SYNM: variants seen among roughly 807,000 people sequenced by gnomAD.
The protein encoded by SYNM is desmuslin.
Under a neutral mutation model 104.0 loss-of-function variants are expected in SYNM, and 95 were observed. That is an observed-to-expected ratio of 0.91 (90% CI 0.77 to 1.08). The LOEUF (loss-of-function observed/expected upper bound fraction) is 1.08. SYNM is among the 50% of genes least tolerant of loss of function. The probability of loss-of-function intolerance (pLI) is 0.00; values close to 1 mark genes in which losing one functional copy is unlikely to be tolerated. For missense variants in SYNM, 2,150 were observed against 2,052.2 expected (o/e 1.05, Z -0.92); for synonymous variants, 918 against 869.0 (o/e 1.06, Z -0.99).
At chr15:99,113,477 G>C in intron 1 of SYNM, 114 bp from the exon 2 acceptor site, 1 of 1,371,850 alleles carries the variant, frequency 7.3e-7, no homozygotes, top group Non-Finnish European at 1.0e-6. Flanking sequence ...GTGTTTTTCT[G>C]GTCTGCTAAT....
At chr15:99,139,907 T>A (rs1456234679), downstream of SYNM, 1 of 435,888 alleles carries the variant, frequency 2.3e-6, no homozygotes, top group Non-Finnish European at 3.9e-6. Context: ...TGGCTTGATT[T>A]CTCCCTTCTG....
Position 99,131,875 on chromosome 15 carries a change from G to A in SYNM, c.3515G>A (p.Arg1172Lys). Reference sequence around the variant, plus strand: ...CCGACCGGAGCCAGCCGGTCTGTGAGGCATGTCACGCTGGGTCCCGGTCAA... The same window carrying A: ...CCGACCGGAGCCAGCCGGTCTGTGAAGCATGTCACGCTGGGTCCCGGTCAA... ...ASPTGASRSV[R>K]HVTLGPGQSP... The change falls in exon 4 of 4, where the codon AGG (arginine) becomes AAG (lysine). Residue 1172 changes from arginine (R) to lysine (K), a missense_variant. By Grantham distance (26) the Arg-to-Lys change is conservative. Transcript: ENST00000336292. This position sits in a 1 kb window ranked among gnomAD's most constrained non-coding sequence, Gnocchi z 4.3. 1 of 1,613,990 alleles carries A rather than the reference G, an allele frequency of 6.2e-7. No individual in the cohort carries two copies. The highest frequency in any genetic ancestry group is 8.5e-7 in the Non-Finnish European group (1 of 1,179,900).
intron 2 of SYNM, among the ~76,000 whole-genome samples, chr15:99,114,892 T>C (rs2067332984): frequency 6.6e-6 from 1 of 151,974 alleles, no homozygotes; most frequent in Non-Finnish European, 1.5e-5. Context: ...ACGCTTACAG[T>C]GGAAGGAATT....
chr15:99,131,225 G>T lies in SYNM; in HGVS notation c.2865G>T (p.Gln955His), dbSNP rs782359719. Residue 955 changes from glutamine to histidine, a missense_variant, in exon 4 of 4, where the codon CAG (glutamine) becomes CAT (histidine). Gln to His is a conservative substitution (Grantham distance 24, BLOSUM62 0). Transcript: ENST00000336292. This position sits in a 1 kb window ranked among gnomAD's most constrained non-coding sequence, Gnocchi z 4.3. ...AGCAGCTGGTGGAGGTCATCGGGCA[G>T]CTGGAGGAAACCCTTCCCGAGCGCA... ...PRQQLVEVIGQLEETLPERMR... is the reference protein window; with the variant it reads ...PRQQLVEVIGHLEETLPERMR... 2 of 1,609,172 alleles carry T rather than the reference G, an allele frequency of 1.2e-6. No homozygotes were observed. Among genetic ancestry groups the T allele is most frequent in the Admixed American group, 3.4e-5 (2 of 59,324 alleles).
At chr15:99,118,602 C>T (rs1390252763) in intron 2 of SYNM, among the ~76,000 whole-genome samples, 3 of 152,134 alleles carry the variant, frequency 2.0e-5, no homozygotes, top group Non-Finnish European at 4.4e-5. Flanking sequence ...TTCTAGGTGA[C>T]TGTCACAGGG....
In SYNM at chr15:99,105,592, G is replaced by T; in HGVS notation, c.393G>T (p.Glu131Asp). ...QEALGARAAL[E>D]ALLGRLQAER... is the part of the protein sequence containing the mutation. ...CGCTGGGCGCGCGCGCCGCCCTCGA[G>T]GCGCTGCTGGGCCGGCTGCAGGCCG... The change falls in exon 1 of 4, where the codon GAG becomes GAT. Residue 131 changes from glutamate (E) to aspartate (D), a missense_variant. Physicochemically the swap from Glu to Asp is conservative, Grantham distance 45. Transcript: ENST00000336292. 8.6e-7 allele frequency: 1 copy of T among 1,162,016 alleles called. No homozygotes were observed. The highest frequency in any genetic ancestry group is 4.1e-5 in the South Asian group (1 of 24,400). The allele number at this position is 1,162,016 out of a possible 1,614,324, so 72.0% of individuals were successfully genotyped here.
In SYNM at chr15:99,132,100, G is replaced by C. The variant is rs781945703; in HGVS notation, c.3740G>C (p.Gly1247Ala). 1 of 1,613,988 alleles carries C rather than the reference G, an allele frequency of 6.2e-7. No homozygotes were observed. The highest frequency in any genetic ancestry group is 8.5e-7 in the Non-Finnish European group (1 of 1,179,908). The change falls in exon 4 of 4, where the codon GGT becomes GCT. Residue 1247 changes from glycine (G) to alanine (A), a missense_variant. Physicochemically the swap from Gly to Ala is moderately conservative, Grantham distance 60. Coordinates refer to ENST00000336292, the MANE Select transcript of SYNM (RefSeq NM_145728.3). ...QGPISAAGKVGDYFATEESVG... is the reference protein window; with the variant it reads ...QGPISAAGKVADYFATEESVG... ...CCCATTTCTGCTGCAGGGAAGGTTG[G>C]TGATTATTTTGCAACAGAAGAGTCA...
At chr15:99,113,563 G>A in intron 1 of SYNM, 28 bp from the exon 2 acceptor site, 1 of 1,611,488 alleles carries the variant, frequency 6.2e-7, no homozygotes. Flanking sequence ...CCAGTTCTCT[G>A]ATATAAAAGT....
intron 2 of SYNM, among the ~76,000 whole-genome samples, chr15:99,116,437 G>A (rs1216794209): frequency 6.7e-5 from 7 of 104,294 alleles, no homozygotes; most frequent in African/African-American, 2.1e-4. Flanking sequence ...TCATATACCT[G>A]AAAGTCTTGT....
At chr15:99,115,663 T>G (rs2067342026) in intron 2 of SYNM, among the ~76,000 whole-genome samples, 1 of 151,942 alleles carries the variant, frequency 6.6e-6, no homozygotes, top group African/African-American at 2.4e-5. Context: ...GGTTTCACCT[T>G]GTTGGTCAGG....
In SYNM at chr15:99,133,117, C is replaced by T. The variant is rs1338711385; in HGVS notation, c.*59C>T. On this transcript the variant is annotated 3_prime_UTR_variant, in exon 4 of 4. Coordinates refer to ENST00000336292, the MANE Select transcript of SYNM (RefSeq NM_145728.3). Reference sequence around the variant, plus strand: ...TTGGCGACGTGCCAACATCCAAAGGCCTTAACTTATTTTAAGAGGCCGAGG... The same window carrying T: ...TTGGCGACGTGCCAACATCCAAAGGTCTTAACTTATTTTAAGAGGCCGAGG... The T allele has an allele frequency of 6.3e-7, 1 of 1,591,940 alleles. No homozygotes were observed. The highest frequency in any genetic ancestry group is 1.3e-5 in the African/African-American group (1 of 74,650).
Position 99,105,238 on chromosome 15 carries a change from C to A in SYNM, c.39C>A (p.Ala13=). 1.9e-6 allele frequency: 3 copies of A among 1,573,256 alleles called. No individual in the cohort carries two copies. The highest frequency in any genetic ancestry group is 2.3e-5 in the East Asian group (1 of 42,940). ...SWRLQTGPEK[A]ELQELNARLY... The stretch of plus-strand genomic sequence containing the variant: ...GGCTGCAGACGGGCCCCGAGAAGGC[C>A]GAGCTCCAGGAGCTCAACGCCCGGC... Residue 13 remains alanine (A), a synonymous_variant, in exon 1 of 4, where the codon GCC becomes GCA. Transcript: ENST00000336292.
chr15:99,116,202 C>T (rs1433259008), intron 2 of SYNM, among the ~76,000 whole-genome samples: 1 of 152,262 alleles, frequency 6.6e-6, no homozygotes, highest in Non-Finnish European at 1.5e-5. Context: ...TCCCAAAGCC[C>T]ATTGTTGGCA....
intron 2 of SYNM, among the ~76,000 whole-genome samples, chr15:99,118,892 GC>G (rs1483887832): frequency 6.6e-6 from 1 of 152,136 alleles, no homozygotes; most frequent in African/African-American, 2.4e-5. Flanking sequence ...CTCCTGCATT[GC>G]GGGTGGCAGT....
chr15:99,107,055 G>A (rs984181619), intron 1 of SYNM, among the ~76,000 whole-genome samples: 3 of 152,210 alleles, frequency 2.0e-5, no homozygotes, highest in African/African-American at 7.2e-5. Flanking sequence ...GATTCTCCCT[G>A]GGTCCCCAGC....
intron 1 of SYNM, among the ~76,000 whole-genome samples, chr15:99,112,537 C>G (rs1165683302): frequency 6.6e-6 from 1 of 152,020 alleles, no homozygotes; most frequent in African/African-American, 2.4e-5. Flanking sequence ...TGCTGTGTGA[C>G]TTGTATGTGG....
chr15:99,119,868 G>T (rs1238675582), intron 2 of SYNM, among the ~76,000 whole-genome samples: 1 of 152,174 alleles, frequency 6.6e-6, no homozygotes, highest in African/African-American at 2.4e-5. Context: ...GTGAACATGC[G>T]ACTACATTTG....
At chr15:99,110,954 C>T (rs2067295329) in intron 1 of SYNM, among the ~76,000 whole-genome samples, 1 of 152,224 alleles carries the variant, frequency 6.6e-6, no homozygotes. Flanking sequence ...GTTGTGATTT[C>T]TGCAGAGACC....
rs1259747546 is a variant in SYNM, at chr15:99,105,599, C to G, written c.400C>G (p.Leu134Val). 2.3e-5 allele frequency: 28 copies of G among 1,214,040 alleles called. No individual in the cohort carries two copies. The highest frequency in any genetic ancestry group is 2.7e-5 in the Non-Finnish European group (26 of 975,380). 75.2% of individuals were successfully genotyped at this position (1,214,040 alleles called of 1,614,324 possible). The part of the protein sequence containing the change: ...LGARAALEAL[L>V]GRLQAERRGL... ...CGCGCGCGCCGCCCTCGAGGCGCTG[C>G]TGGGCCGGCTGCAGGCCGAGCGCCG... The change falls in exon 1 of 4, where the codon CTG becomes GTG. Residue 134 changes from leucine to valine, a missense_variant. By Grantham distance (32) the Leu-to-Val change is conservative. Coordinates refer to ENST00000336292, the MANE Select transcript of SYNM (RefSeq NM_145728.3).
Sources: gnomAD v4.1 joint callset for allele counts (sites outside exome capture counted in the v4.1 genomes callset) on GRCh38, gnomAD v4.1.1 for gene constraint, Gnocchi (gnomAD v3.1) non-coding constraint, MANE v1.5 for transcripts, NCBI Gene and HGNC (gene_info 2026-07-23, HGNC 2026-07-21) for gene names.